The following PALLD variants were observed in gnomAD, a reference collection of about 807,000 sequenced individuals.
The protein encoded by PALLD is palladin.
Under a neutral mutation model 123.5 loss-of-function variants are expected in PALLD, and 61 were observed. The observed-to-expected ratio is 0.49, with a 90% CI of 0.40 to 0.61. PALLD has a LOEUF of 0.61. Ranked by LOEUF, PALLD falls within the 20% of genes least tolerant of loss-of-function variation. The probability of loss-of-function intolerance (pLI) is 0.00; values close to 1 mark genes in which losing one functional copy is unlikely to be tolerated. For synonymous variants in PALLD, 465 were observed against 496.4 expected (o/e 0.94, Z 0.84); for missense variants, 1,273 against 1,377.0 (o/e 0.92, Z 1.20).
In PALLD at chr4:168,844,053, G is replaced by A. The variant is rs1441409625; in HGVS notation, c.1965-46869G>A. ...GAAGATGTGGGTGTCCTTTCCTCAC[G>A]CGTTAACAAGGATGCTGTTAGGTTG... On this transcript the variant is annotated intron_variant, in intron 10 of 21. Transcript: ENST00000505667. The surrounding 1 kb of genome is among the most constrained non-coding windows in gnomAD (Gnocchi z 4.5). 2 of 152,156 alleles carry A rather than the reference G, an allele frequency of 1.3e-5. No individual in the cohort carries two copies. The highest frequency in any genetic ancestry group is 2.9e-5 in the Non-Finnish European group (2 of 68,022). The allele number at this position is 152,156 out of a possible 1,614,324, so 9.4% of individuals were successfully genotyped here.
intron 10 of PALLD, among the ~76,000 whole-genome samples, chr4:168,880,347 A>G (rs1752442271): frequency 6.6e-6 from 1 of 152,182 alleles, no homozygotes; most frequent in Non-Finnish European, 1.5e-5. Flanking sequence ...GTGGCCATGG[A>G]AAACTGTACC....
At chr4:168,559,727 T>C (rs1397722327) in intron 2 of PALLD, among the ~76,000 whole-genome samples, 3 of 151,812 alleles carry the variant, frequency 2.0e-5, no homozygotes, top group Non-Finnish European at 4.4e-5. Flanking sequence ...CGAAACCCCA[T>C]CTCTACAAAA....
intron 6 of PALLD, among the ~76,000 whole-genome samples, chr4:168,687,146 T>C (rs1291732628): frequency 6.6e-6 from 1 of 152,154 alleles, no homozygotes; most frequent in Non-Finnish European, 1.5e-5. Flanking sequence ...AGAAAAGCAT[T>C]TTTGTAATCT....
chr4:168,516,913 T>C (rs1763041091), intron 2 of PALLD, among the ~76,000 whole-genome samples: 1 of 152,212 alleles, frequency 6.6e-6, no homozygotes, highest in South Asian at 2.1e-4. Flanking sequence ...AAGTTAATCA[T>C]GGTCAATCAA....
In PALLD at chr4:168,916,612, CTTCA is replaced by C. The variant is rs149338439; in HGVS notation, c.2850+589_2850+592del. 2.0e-3 allele frequency among the ~76,000 whole-genome samples: 308 copies of C among 151,616 alleles called. 1 individual carries two copies. Among genetic ancestry groups the C allele is most frequent in the African/African-American group, 7.1e-3 (293 of 41,382 alleles). The stretch of plus-strand genomic sequence containing the variant: ...AATAAATATGATAAATCTACCATGT[CTTCA>C]TTCTTTTTTCATACAAATTTTGTAT... On this transcript the variant is annotated intron_variant, in intron 17 of 21. Transcript: ENST00000505667.
chr4:168,646,114 A>G (rs970306839), intron 2 of PALLD, among the ~76,000 whole-genome samples: 5 of 152,198 alleles, frequency 3.3e-5, no homozygotes, highest in Non-Finnish European at 7.3e-5. Flanking sequence ...GGATGGCAGC[A>G]TGCAGCATCA....
At chr4:168,891,719 G>C (rs185410680) in intron 11 of PALLD, among the ~76,000 whole-genome samples, 24 of 151,784 alleles carry the variant, frequency 1.6e-4, no homozygotes, top group African/African-American at 5.8e-4. Context: ...ATTCCATTCT[G>C]GCTGATAGGG....
intron 10 of PALLD, among the ~76,000 whole-genome samples, chr4:168,784,589 T>C (rs1736414976): frequency 6.6e-6 from 1 of 152,046 alleles, no homozygotes; most frequent in South Asian, 2.1e-4. Flanking sequence ...CACAAACATG[T>C]TGAGACAAGG....
In PALLD at chr4:168,878,053, G is replaced by A. The variant is rs2151116805; in HGVS notation, c.1965-12869G>A. The A allele has an allele frequency of 8.8e-6, 13 of 1,482,644 alleles. No homozygotes were observed. The highest frequency in any genetic ancestry group is 1.1e-5 in the Non-Finnish European group (12 of 1,122,836). The allele number at this position is 1,482,644 out of a possible 1,614,324, so 91.8% of individuals were successfully genotyped here. A position where few individuals can be genotyped will look rare whatever the true frequency, so the allele number is the denominator to read the frequency against. ...GCTCGTCCAGCCTCCCGTCGCCCAT[G>A]TCCCCGACGCCGAGGCAGTTCGGCC... On this transcript the variant is annotated intron_variant, in intron 10 of 21. Transcript: ENST00000505667.
At chr4:168,586,028 A>G (rs937540510) in intron 2 of PALLD, among the ~76,000 whole-genome samples, 12 of 152,024 alleles carry the variant, frequency 7.9e-5, no homozygotes, top group South Asian at 2.1e-4. Context: ...CAATGTCCTC[A>G]TATTTTGGTA....
At chr4:168,685,438 G>A in intron 5 of PALLD, 47 bp from the exon 6 acceptor site, 1 of 1,234,702 alleles carries the variant, frequency 8.1e-7, no homozygotes, top group Non-Finnish European at 1.2e-6. Context: ...CATCTTTTAG[G>A]CAATTTATAT....
chr4:168,875,608 G>A (rs1260716431), intron 10 of PALLD, among the ~76,000 whole-genome samples: 1 of 152,064 alleles, frequency 6.6e-6, no homozygotes, highest in Admixed American at 6.5e-5. Context: ...CTTCACTACA[G>A]TATATACTAG....
At chr4:168,577,412 G>A (rs1399942496) in intron 2 of PALLD, among the ~76,000 whole-genome samples, 1 of 152,074 alleles carries the variant, frequency 6.6e-6, no homozygotes, top group Admixed American at 6.6e-5. Context: ...TGCTTTAACA[G>A]TAGATAAACT....
chr4:168,520,485 T>C (rs746710089), intron 2 of PALLD, among the ~76,000 whole-genome samples: 4 of 152,162 alleles, frequency 2.6e-5, no homozygotes, highest in Non-Finnish European at 5.9e-5. Context: ...CTTTCTATCT[T>C]TTCCATTCTT....
chr4:168,648,475 G>A (rs555745660), intron 2 of PALLD: 8 of 152,188 alleles, frequency 5.3e-5, no homozygotes, highest in African/African-American at 1.9e-4. Flanking sequence ...TGCTGTCAGC[G>A]AAGAAAGTGT....
At chr4:168,625,502 G>GATAGAGATATATATATATATATAT in intron 2 of PALLD, among the ~76,000 whole-genome samples, 1 of 114,430 alleles carries the variant, frequency 8.7e-6, no homozygotes, top group Non-Finnish European at 1.8e-5. Flanking sequence ...ATATCCAGGA[G>GATAGAGATATATATATATATATAT]ATATATATAT....
chr4:168,653,049 T>C (rs1778208629), intron 2 of PALLD, among the ~76,000 whole-genome samples: 1 of 152,206 alleles, frequency 6.6e-6, no homozygotes, highest in African/African-American at 2.4e-5. Flanking sequence ...ATCATCCATC[T>C]AGTTCTTGAA....
chr4:168,603,575 G>A (rs1772885905), intron 2 of PALLD, among the ~76,000 whole-genome samples: 1 of 152,148 alleles, frequency 6.6e-6, no homozygotes, highest in Non-Finnish European at 1.5e-5. Context: ...GCTTAAATGT[G>A]TTCATTATGT....
In PALLD at chr4:168,806,548, C is replaced by G. The variant is rs1740228075; in HGVS notation, c.1965-84374C>G. Among the ~76,000 whole-genome samples the G allele has an allele frequency of 3.3e-5, 5 of 152,184 alleles. No homozygotes were observed. The South Asian group carries it at 1.0e-3, about 32-fold the overall frequency. On this transcript the variant is annotated intron_variant, in intron 10 of 21. Transcript: ENST00000505667. Reference sequence around the variant, plus strand: ...CTGTGGAACTCTGAGTCAATTAAACCTCTCTTCTTCATACATTACCCAGTC... The same window carrying G: ...CTGTGGAACTCTGAGTCAATTAAACGTCTCTTCTTCATACATTACCCAGTC...
Sources: gnomAD v4.1 joint callset for allele counts (sites outside exome capture counted in the v4.1 genomes callset) on GRCh38, gnomAD v4.1.1 for gene constraint, Gnocchi (gnomAD v3.1) non-coding constraint, MANE v1.5 for transcripts, NCBI Gene and HGNC (gene_info 2026-07-23, HGNC 2026-07-21) for gene names.